Variants in PC observed in about 807,000 individuals in gnomAD.
PC encodes the protein pyruvate carboxylase, mitochondrial.
Under a neutral mutation model 107.8 loss-of-function variants are expected in PC, and 46 were observed. The observed-to-expected ratio is 0.43, with a 90% CI of 0.34 to 0.55. The LOEUF is 0.55. Ranked by LOEUF, PC falls within the 20% of genes least tolerant of loss-of-function variation. The pLI is 0.04. For missense variants in PC, 1,241 were observed against 1,643.1 expected (o/e 0.76, Z 4.23); for synonymous variants, 662 against 684.7 (o/e 0.97, Z 0.52).
intron 3 of PC, among the ~76,000 whole-genome samples, chr11:66,882,439 G>A (rs1322474459): frequency 1.3e-5 from 2 of 152,230 alleles, no homozygotes; most frequent in South Asian, 2.1e-4. Context: ...CTTCAGGGGC[G>A]GGTGGCCAGC....
rs1367334392 is a variant in PC at position 66,858,883 on chromosome 11, A to T, written c.1368+4891T>A. On this transcript the variant is annotated intron_variant, in intron 12 of 22. Coordinates refer to ENST00000393960, the MANE Select transcript of PC (RefSeq NM_001040716.2). The surrounding 1 kb of genome is among the most constrained non-coding windows in gnomAD (Gnocchi z 5.9). ...CCCCATGGTGGGAACAGCAGTGCCG[A>T]GGGGGGCCGCCCCGGGCCCTCGGAC... 1 of 1,560,192 alleles carries T rather than the reference A, an allele frequency of 6.4e-7. No homozygotes were observed. The highest frequency in any genetic ancestry group is 8.7e-7 in the Non-Finnish European group (1 of 1,151,936).
In PC at chr11:66,857,612, G is replaced by A; in HGVS notation, c.1369-4229C>T. On this transcript the variant is annotated intron_variant, in intron 12 of 22. Transcript: ENST00000393960. The surrounding 1 kb of genome is among the most constrained non-coding windows in gnomAD (Gnocchi z 7.1). ...TTCCCTCATCTCTGGCGGCCCTCTT[G>A]GGCCTCTGACCCAGCCCCTCCCCGG... 4 of 994,516 alleles carry A rather than the reference G, an allele frequency of 4.0e-6. No homozygotes were observed. Among genetic ancestry groups the A allele is most frequent in the South Asian group, 3.4e-5 (2 of 58,242 alleles). The allele number at this position is 994,516 out of a possible 1,614,324, so 61.6% of individuals were successfully genotyped here. A position where few individuals can be genotyped will look rare whatever the true frequency, so the allele number is the denominator to read the frequency against.
chr11:66,871,145 G>C lies in PC; in HGVS notation c.540C>G (p.Ala180=). 5.6e-6 allele frequency: 9 copies of C among 1,613,914 alleles called. No individual in the cohort carries two copies. Among genetic ancestry groups the C allele is most frequent in the Non-Finnish European group, 7.6e-6 (9 of 1,179,894 alleles). ...AGCCGTAGGTGTTGGAGAACTCGTG[G>C]GCCTCATGCAGGGACGTGATGGGGG... ...TDAPITSLHE[A]HEFSNTYGFP... The change falls in exon 7 of 23, where the codon GCC becomes GCG. Residue 180 remains alanine, a synonymous_variant. Transcript: ENST00000393960. The surrounding 1 kb of genome is among the most constrained non-coding windows in gnomAD (Gnocchi z 7.4).
chr11:66,937,770 G>GT (rs1949033744), intron 3 of PC, among the ~76,000 whole-genome samples: 4 of 149,052 alleles, frequency 2.7e-5, no homozygotes, highest in South Asian at 2.1e-4. Flanking sequence ...AGAATTTCTG[G>GT]GTTTTTTTTG....
intron 3 of PC, among the ~76,000 whole-genome samples, chr11:66,933,699 C>T (rs1370615713): frequency 6.6e-6 from 1 of 152,084 alleles, no homozygotes; most frequent in Non-Finnish European, 1.5e-5. Context: ...CCATTGCAAC[C>T]ACTTCCCTAA....
chr11:66,918,121 A>G (rs374272501), intron 3 of PC, among the ~76,000 whole-genome samples: 115 of 152,350 alleles, frequency 7.5e-4, no homozygotes, highest in African/African-American at 2.6e-3. Flanking sequence ...AGAATTTTGC[A>G]TTAAAGAAAA....
intron 3 of PC, among the ~76,000 whole-genome samples, chr11:66,887,554 G>A (rs546794670): frequency 6.6e-6 from 1 of 152,190 alleles, no homozygotes; most frequent in African/African-American, 2.4e-5. Context: ...AGATAGTTTG[G>A]GACATTACCC....
chr11:66,955,959 G>C (rs1175721136), intron 1 of PC, among the ~76,000 whole-genome samples: 1 of 152,048 alleles, frequency 6.6e-6, no homozygotes, highest in Admixed American at 6.6e-5. Flanking sequence ...TTTTAGCAGA[G>C]AAGGGGTTTC....
chr11:66,932,692 C>CG (rs1948891683), intron 3 of PC, among the ~76,000 whole-genome samples: 1 of 152,034 alleles, frequency 6.6e-6, no homozygotes, highest in Non-Finnish European at 1.5e-5. Flanking sequence ...AGCTAGCCAT[C>CG]GGGGAAAGAA....
chr11:66,937,210 C>T (rs1041270172), intron 3 of PC, among the ~76,000 whole-genome samples: 1 of 152,166 alleles, frequency 6.6e-6, no homozygotes, highest in Non-Finnish European at 1.5e-5. Context: ...AATTGAAAAA[C>T]TGTCCCTGAA....
At chr11:66,860,626 C>T (rs1052999766) in intron 12 of PC, 9 of 701,420 alleles carry the variant, frequency 1.3e-5, no homozygotes, top group Admixed American at 2.0e-5. Flanking sequence ...TCCACAGGGG[C>T]GGCCCAGGGC....
At chr11:66,951,342 G>C (rs948112241) in intron 3 of PC, among the ~76,000 whole-genome samples, 5 of 152,182 alleles carry the variant, frequency 3.3e-5, no homozygotes, top group East Asian at 1.9e-4. Context: ...CAGACCAGCA[G>C]GGGGAGAGGG....
intron 3 of PC, among the ~76,000 whole-genome samples, chr11:66,943,455 TCGGCCGGGTGCGG>T (rs1275517305): frequency 2.0e-5 from 3 of 151,800 alleles, no homozygotes; most frequent in African/African-American, 7.3e-5. Flanking sequence ...AATAAACTTC[TCGGCCGGGTGCGG>T]TGGCTCACGC....
intron 3 of PC, among the ~76,000 whole-genome samples, chr11:66,909,856 C>T (rs1329763439): frequency 6.6e-6 from 1 of 151,984 alleles, no homozygotes; most frequent in East Asian, 1.9e-4. Context: ...GTGGCCAGGA[C>T]ACGGGCCATT....
intron 12 of PC, among the ~76,000 whole-genome samples, chr11:66,854,898 GC>G (rs1335988912): frequency 6.6e-6 from 1 of 152,364 alleles, no homozygotes; most frequent in East Asian, 1.9e-4. Flanking sequence ...TTTCAGCTGG[GC>G]CAAGGCATGG....
Position 66,851,921 on chromosome 11 carries a change from GC to G in PC, c.1850del (p.Arg617ProfsTer131). ...WGGATFDVAM[R>X]FLYECPWRRL... ...GCCGCCAGGGGCACTCATACAGGAA[GC>G]GCATGGCGACGTCAAACGTGGCTCC... On this transcript the variant is annotated frameshift_variant, in exon 16 of 23. Transcript: ENST00000393960. LOFTEE classifies it high-confidence loss of function. 6.2e-7 allele frequency: 1 copy of G among 1,614,060 alleles called. No homozygotes were observed.
intron 3 of PC, among the ~76,000 whole-genome samples, chr11:66,942,106 A>G (rs1191291241): frequency 1.3e-5 from 2 of 149,868 alleles, no homozygotes; most frequent in South Asian, 4.2e-4. Context: ...CCATCTCAAA[A>G]AAAAAAAAAA....
chr11:66,849,729 G>T lies in PC; in HGVS notation c.3029C>A (p.Ala1010Glu). The change falls in exon 21 of 23, where the codon GCA becomes GAA. Residue 1010 changes from alanine (A) to glutamate (E), a missense_variant. Physicochemically the swap from Ala to Glu is moderately radical, Grantham distance 107. Around this residue, in one of 2 missense-constraint regions of PC, gnomAD observed 1,143 missense variants for 1,551.9 expected, o/e 0.74. Coordinates refer to ENST00000393960, the MANE Select transcript of PC (RefSeq NM_001040716.2). ...EEVTPEDVLS[A>E]AMYPDVFAHF... ...GGCAAACACATCGGGGTACATAGCT[G>T]CTGAGAGCACATCTTCCGGCGTCAC... 6.2e-7 allele frequency: 1 copy of T among 1,614,228 alleles called. No individual in the cohort carries two copies. Among genetic ancestry groups the T allele is most frequent in the Non-Finnish European group, 8.5e-7 (1 of 1,180,052 alleles).
chr11:66,863,565 T>TA (rs1946366357), intron 12 of PC, among the ~76,000 whole-genome samples: 2 of 152,190 alleles, frequency 1.3e-5, no homozygotes, highest in African/African-American at 4.8e-5. Flanking sequence ...CCAGGGACTC[T>TA]GGCAGCGGGT....
Sources: gnomAD v4.1 joint callset for allele counts (sites outside exome capture counted in the v4.1 genomes callset) on GRCh38, gnomAD v4.1.1 for gene constraint, gnomAD v4.1.1 regional missense constraint, Gnocchi (gnomAD v3.1) non-coding constraint, MANE v1.5 for transcripts, NCBI Gene and HGNC (gene_info 2026-07-23, HGNC 2026-07-21) for gene names.